Variants in CFAP61 observed in about 807,000 individuals in gnomAD.
CFAP61 encodes cilia and flagella associated protein 61.
In CFAP61, 107 loss-of-function variants were observed where a neutral mutation model predicts 135.6. The ratio of observed to expected loss-of-function variants is 0.79; its 90% CI spans 0.67 to 0.93. CFAP61 has a LOEUF of 0.93. Ranked by LOEUF, CFAP61 falls within the 40% of genes least tolerant of loss-of-function variation. The probability of loss-of-function intolerance (pLI) is 0.00; values close to 1 mark genes in which losing one functional copy is unlikely to be tolerated. For synonymous variants in CFAP61, 575 were observed against 578.5 expected, an observed-to-expected ratio of 0.99 and a Z score of 0.09; for missense variants, 1,507 against 1,556.2, an observed-to-expected ratio of 0.97 and a Z score of 0.53.
At chr20:20,231,496 G>C (rs2049132910) in intron 18 of CFAP61, among the ~76,000 whole-genome samples, 1 of 152,206 alleles carries the variant, frequency 6.6e-6, no homozygotes, top group Admixed American at 6.5e-5. Flanking sequence ...TGCTCTCAGA[G>C]GCTTCTACAG....
rs146924735 is a variant in CFAP61 at position 20,241,170 on chromosome 20, A to G, written c.2061-4947A>G. 7.4e-4 allele frequency among the ~76,000 whole-genome samples: 112 copies of G among 152,316 alleles called. No homozygotes were observed. In the East Asian group the frequency reaches 0.018, roughly 24 times the overall value. On this transcript the variant is annotated intron_variant, in intron 18 of 26. Coordinates refer to ENST00000245957, the MANE Select transcript of CFAP61 (RefSeq NM_015585.4). ...GTCTCTTCTGACTCAGGGGAATGGA[A>G]GAACGCTCTAGACATGGTAAGAAGG...
intron 7 of CFAP61, among the ~76,000 whole-genome samples, chr20:20,094,042 A>G (rs1175303894): frequency 6.6e-6 from 1 of 152,166 alleles, no homozygotes; most frequent in Admixed American, 6.5e-5. Flanking sequence ...TGAAACACTC[A>G]TCTACATGAG....
intron 7 of CFAP61, among the ~76,000 whole-genome samples, chr20:20,091,348 T>TA (rs1257993951): frequency 6.6e-6 from 1 of 152,140 alleles, no homozygotes; most frequent in East Asian, 1.9e-4. Context: ...GTTGGAAAGG[T>TA]ATTTTTTTTA....
At chr20:20,323,262 G>A (rs180739023) in intron 25 of CFAP61, 12 of 985,376 alleles carry the variant, frequency 1.2e-5, no homozygotes, top group East Asian at 1.1e-4. Flanking sequence ...CTTCGTCTTC[G>A]ATTTTTCTAA....
At chr20:20,351,349 G>A (rs2058826324) in intron 26 of CFAP61, among the ~76,000 whole-genome samples, 1 of 152,186 alleles carries the variant, frequency 6.6e-6, no homozygotes, top group Admixed American at 6.5e-5. Context: ...GAGAGGCCAA[G>A]GCGGGCAGAT....
chr20:20,352,794 A>T (rs1272654559), intron 26 of CFAP61, among the ~76,000 whole-genome samples: 1 of 152,178 alleles, frequency 6.6e-6, no homozygotes, highest in African/African-American at 2.4e-5. Flanking sequence ...ATTTTTTTGG[A>T]TGTGACACCA....
chr20:20,215,463 T>C (rs990351075), intron 17 of CFAP61, among the ~76,000 whole-genome samples: 4 of 152,186 alleles, frequency 2.6e-5, no homozygotes, highest in East Asian at 3.8e-4. Context: ...AGAACAAGCA[T>C]ATTGGAGAAA....
At chr20:20,317,393 A>C (rs559213475) in intron 25 of CFAP61, among the ~76,000 whole-genome samples, 1 of 152,286 alleles carries the variant, frequency 6.6e-6, no homozygotes, top group South Asian at 2.1e-4. Flanking sequence ...AACGTCTTCA[A>C]CCTGGCACTG....
In CFAP61 at chr20:20,199,280, G is replaced by A. The variant is rs12625836; in HGVS notation, c.1798-488G>A. 2.4e-3 allele frequency among the ~76,000 whole-genome samples: 363 copies of A among 152,128 alleles called. 14 individuals carry two copies. In the East Asian group the frequency reaches 0.058, roughly 24 times the overall value. Reference sequence around the variant, plus strand: ...TGTTGTTGTTGTTGAACAAAGGTCTGGTTGAAGTCACTGTGAGTGACTTAC... The same window carrying A: ...TGTTGTTGTTGTTGAACAAAGGTCTAGTTGAAGTCACTGTGAGTGACTTAC... On this transcript the variant is annotated intron_variant, in intron 16 of 26. Coordinates refer to ENST00000245957, the MANE Select transcript of CFAP61 (RefSeq NM_015585.4).
At chr20:20,127,040 A>C (rs1364165510) in intron 8 of CFAP61, among the ~76,000 whole-genome samples, 1 of 151,486 alleles carries the variant, frequency 6.6e-6, no homozygotes, top group South Asian at 2.1e-4. Flanking sequence ...TTGCATTTCT[A>C]TAAGTGTGTC....
chr20:20,353,475 T>G (rs2058926475), intron 26 of CFAP61, among the ~76,000 whole-genome samples: 1 of 152,204 alleles, frequency 6.6e-6, no homozygotes, highest in African/African-American at 2.4e-5. Flanking sequence ...GGTAAATAAT[T>G]ACCTTACTTG....
intron 6 of CFAP61, among the ~76,000 whole-genome samples, chr20:20,086,701 G>T (rs1002597500): frequency 6.6e-6 from 1 of 152,126 alleles, no homozygotes; most frequent in Non-Finnish European, 1.5e-5. Flanking sequence ...CCCAGTTCAC[G>T]TTGGCTATTG....
intron 2 of CFAP61, among the ~76,000 whole-genome samples, chr20:20,060,551 A>C (rs1265082221): frequency 6.6e-6 from 1 of 152,234 alleles, no homozygotes; most frequent in Admixed American, 6.5e-5. Context: ...GCATGATTAG[A>C]ATGAAAGAAT....
intron 13 of CFAP61, chr20:20,172,364 T>G (rs2054287343): frequency 1.3e-6 from 1 of 747,980 alleles, no homozygotes; most frequent in African/African-American, 1.9e-5. Context: ...TTGCCCAGGC[T>G]GGAATGCAAT....
At chr20:20,070,124 A>T (rs1174726999) in intron 2 of CFAP61, among the ~76,000 whole-genome samples, 1 of 152,162 alleles carries the variant, frequency 6.6e-6, no homozygotes, top group Admixed American at 6.5e-5. Flanking sequence ...GATTGTCAAG[A>T]TAGTCCCTCT....
chr20:20,243,618 G>A (rs920474812), intron 18 of CFAP61, among the ~76,000 whole-genome samples: 2 of 151,934 alleles, frequency 1.3e-5, no homozygotes, highest in Non-Finnish European at 1.5e-5. Context: ...TGTATTTTTA[G>A]TGGAGACAGG....
At chr20:20,337,542 GTGGATGGATGGA>G (rs2058266449) in intron 25 of CFAP61, among the ~76,000 whole-genome samples, 3 of 116,734 alleles carry the variant, frequency 2.6e-5, no homozygotes, top group African/African-American at 1.1e-4. Flanking sequence ...AGATGGGTGG[GTGGATGGATGGA>G]TGGATGGATG....
At chr20:20,104,830 T>TC (rs2048261677) in intron 8 of CFAP61, among the ~76,000 whole-genome samples, 1 of 152,206 alleles carries the variant, frequency 6.6e-6, no homozygotes, top group Non-Finnish European at 1.5e-5. Flanking sequence ...GGCCATCTTC[T>TC]CCCCATGTCT....
chr20:20,173,662 A>G (rs1165305024), intron 13 of CFAP61, among the ~76,000 whole-genome samples: 3 of 152,196 alleles, frequency 2.0e-5, no homozygotes, highest in African/African-American at 7.2e-5. Flanking sequence ...TGTGATAGAA[A>G]AATGTAGTTA....
Sources: allele counts gnomAD v4.1 joint callset (sites outside exome capture counted in the v4.1 genomes callset), GRCh38; gene constraint gnomAD v4.1.1; transcripts MANE v1.5; gene names NCBI Gene and HGNC (gene_info 2026-07-23, HGNC 2026-07-21).